MYO3B: variants seen among roughly 807,000 people sequenced by gnomAD.
The protein encoded by MYO3B is myosin IIIB, also known as myosin-IIIb.
A neutral mutation model predicts 174.6 loss-of-function variants in MYO3B; 156 were observed. The ratio of observed to expected loss-of-function variants is 0.89; its 90% confidence interval spans 0.78 to 1.02. The LOEUF (loss-of-function observed/expected upper bound fraction) is 1.02. MYO3B is among the 50% of genes least tolerant of loss of function. The pLI, the probability that MYO3B is intolerant of heterozygous loss-of-function variation, is 0.00. For synonymous variants in MYO3B, 563 were observed against 569.1 expected (o/e 0.99, Z 0.15); for missense variants, 1,632 against 1,639.4 (o/e 1.00, Z 0.08).
intron 6 of MYO3B, among the ~76,000 whole-genome samples, chr2:170,220,761 C>T (rs1034541876): frequency 1.3e-5 from 2 of 151,932 alleles, no homozygotes; most frequent in Admixed American, 1.3e-4. Flanking sequence ...CTGCCTGTTG[C>T]AGTGGATCAA....
chr2:170,247,226 G>C (rs556177949), intron 7 of MYO3B, among the ~76,000 whole-genome samples: 28 of 152,168 alleles, frequency 1.8e-4, no homozygotes, highest in Non-Finnish European at 4.1e-4. Context: ...TTCCATCTCA[G>C]AACACAGTAG....
intron 7 of MYO3B, among the ~76,000 whole-genome samples, chr2:170,330,085 C>T (rs748625449): frequency 1.1e-4 from 16 of 152,168 alleles, no homozygotes; most frequent in Admixed American, 7.9e-4. Context: ...TATTCCCCTT[C>T]TCCCCTAACA....
At chr2:170,274,587 A>T (rs1256522415) in intron 7 of MYO3B, among the ~76,000 whole-genome samples, 1 of 152,166 alleles carries the variant, frequency 6.6e-6, no homozygotes, top group African/African-American at 2.4e-5. Context: ...AAAACCTGAA[A>T]GGCATAGGGT....
At chr2:170,234,185 A>AC (rs1296861602) in intron 6 of MYO3B, among the ~76,000 whole-genome samples, 1 of 106,570 alleles carries the variant, frequency 9.4e-6, no homozygotes. Context: ...AAAAAAAAAA[A>AC]AACAAAACAA....
chr2:170,346,587 A>G (rs1402793209), intron 8 of MYO3B, among the ~76,000 whole-genome samples: 1 of 151,824 alleles, frequency 6.6e-6, no homozygotes, highest in Non-Finnish European at 1.5e-5. Flanking sequence ...CTTTCATTTT[A>G]TTTTTTGTTT....
intron 7 of MYO3B, among the ~76,000 whole-genome samples, chr2:170,248,081 T>A (rs887800437): frequency 6.6e-6 from 1 of 152,190 alleles, no homozygotes; most frequent in Non-Finnish European, 1.5e-5. Context: ...GTGCCACCTG[T>A]TGTTTGGACT....
chr2:170,649,356 A>ATATATTATATATAAAATAAT (rs1559202539), intron 32 of MYO3B, among the ~76,000 whole-genome samples: 406 of 40,082 alleles, frequency 0.01, 74 homozygotes, highest in African/African-American at 0.053. Flanking sequence ...AATAATATAT[A>ATATATTATATATAAAATAAT]ATATATTATA....
intron 22 of MYO3B, among the ~76,000 whole-genome samples, chr2:170,435,085 C>T (rs141547274): frequency 1.4e-3 from 220 of 152,310 alleles, no homozygotes; most frequent in African/African-American, 5.1e-3. Context: ...ATTGCACTAG[C>T]GTAGGTCTGT....
chr2:170,329,245 GTGTGTGTGTGTGTGTATA>G (rs2093893072), intron 7 of MYO3B, among the ~76,000 whole-genome samples: 2 of 137,500 alleles, frequency 1.5e-5, no homozygotes, highest in African/African-American at 5.0e-5. Context: ...GTGTGTGTGT[GTGTGTGTGTGTGTGTATA>G]TATATAAAAT....
At chr2:170,195,904 C>T (rs1419781155) in intron 1 of MYO3B, among the ~76,000 whole-genome samples, 2 of 152,182 alleles carry the variant, frequency 1.3e-5, no homozygotes, top group Non-Finnish European at 2.9e-5. Flanking sequence ...TTAATCCAAG[C>T]AAGTTGACAC....
chr2:170,598,976 C>T (rs1435136095), intron 32 of MYO3B, among the ~76,000 whole-genome samples: 1 of 152,154 alleles, frequency 6.6e-6, no homozygotes, highest in Non-Finnish European at 1.5e-5. Flanking sequence ...TCCTTTCATG[C>T]CTCTGTTTAA....
At chr2:170,228,977 A>C (rs973921175) in intron 6 of MYO3B, among the ~76,000 whole-genome samples, 5 of 151,646 alleles carry the variant, frequency 3.3e-5, no homozygotes, top group Non-Finnish European at 5.9e-5. Flanking sequence ...AAAAAAAAAA[A>C]AAAACAACGA....
At chr2:170,648,378 T>C (rs1365035617) in intron 32 of MYO3B, among the ~76,000 whole-genome samples, 1 of 151,934 alleles carries the variant, frequency 6.6e-6, no homozygotes, top group East Asian at 1.9e-4. Flanking sequence ...GCCTGTAATC[T>C]CAGCACTTTG....
chr2:170,232,687 T>C (rs997248112), intron 6 of MYO3B, among the ~76,000 whole-genome samples: 6 of 152,232 alleles, frequency 3.9e-5, no homozygotes, highest in African/African-American at 1.4e-4. Context: ...TTTCCACACC[T>C]GCATAAGTGA....
At chr2:170,384,605 A>G (rs1329152262) in intron 12 of MYO3B, among the ~76,000 whole-genome samples, 1 of 152,228 alleles carries the variant, frequency 6.6e-6, no homozygotes, top group Non-Finnish European at 1.5e-5. Flanking sequence ...ACTGTAGCTT[A>G]GAAACTTAGC....
At chr2:170,647,543 A>G (rs1382852101) in intron 32 of MYO3B, among the ~76,000 whole-genome samples, 2 of 152,226 alleles carry the variant, frequency 1.3e-5, no homozygotes, top group Non-Finnish European at 2.9e-5. Flanking sequence ...AAGTTACAGC[A>G]TTCTTTGCAG....
chr2:170,183,917 T>C (rs1179877704), intron 1 of MYO3B, among the ~76,000 whole-genome samples: 1 of 152,180 alleles, frequency 6.6e-6, no homozygotes, highest in Non-Finnish European at 1.5e-5. Context: ...CAGATTCATT[T>C]TGGATTTCCA....
intron 22 of MYO3B, among the ~76,000 whole-genome samples, chr2:170,438,637 T>A (rs1001978072): frequency 6.7e-6 from 1 of 148,410 alleles, no homozygotes; most frequent in African/African-American, 2.5e-5. Context: ...GATGAGGTAA[T>A]ATTTCTTTTT....
chr2:170,544,272 A>G (rs1690324438), intron 32 of MYO3B, among the ~76,000 whole-genome samples: 1 of 152,226 alleles, frequency 6.6e-6, no homozygotes, highest in Admixed American at 6.5e-5. Context: ...AAGGGAAGAT[A>G]AACAGCTGAC....
Sources: allele counts gnomAD v4.1 joint callset (sites outside exome capture counted in the v4.1 genomes callset), GRCh38; gene constraint gnomAD v4.1.1; transcripts MANE v1.5; gene names NCBI Gene and HGNC (gene_info 2026-07-23, HGNC 2026-07-21).